PRR16: variants seen among roughly 807,000 people sequenced by gnomAD.
The protein encoded by PRR16 is proline rich 16.
A neutral mutation model predicts 18.2 loss-of-function variants in PRR16; 6 were observed. That is an observed-to-expected ratio of 0.33 (90% CI 0.18 to 0.65). The LOEUF is 0.65. Among genes scored for constraint, PRR16 ranks in the 30% least tolerant of loss-of-function variants. The pLI is 0.74. For synonymous variants in PRR16, 151 were observed against 147.8 expected (o/e 1.02, Z -0.16); for missense variants, 412 against 376.6 (o/e 1.09, Z -0.78).
At chr5:120,682,260 A>G (rs1756996512) in intron 1 of PRR16, among the ~76,000 whole-genome samples, 3 of 152,198 alleles carry the variant, frequency 2.0e-5, no homozygotes, top group South Asian at 4.1e-4. Flanking sequence ...TCATCCTTAC[A>G]GAATGCTTCA....
chr5:120,749,991 T>G, the PRR16 span, among the ~76,000 whole-genome samples: 7 of 152,306 alleles, frequency 4.6e-5, no homozygotes, highest in Middle Eastern at 3.4e-3. Context: ...TAATGAAGAT[T>G]AGAATATGTT....
intron 1 of PRR16, among the ~76,000 whole-genome samples, chr5:120,622,504 G>A (rs1048232699): frequency 1.5e-4 from 23 of 151,310 alleles, no homozygotes; most frequent in Admixed American, 1.3e-4. Context: ...TTTTGAGATG[G>A]AGTCTTGCTA....
the PRR16 span, among the ~76,000 whole-genome samples, chr5:120,782,764 C>T: frequency 3.3e-5 from 5 of 152,154 alleles, no homozygotes; most frequent in South Asian, 1.0e-3. Context: ...TTTCTTTGGG[C>T]CCTGCAAATT....
chr5:120,701,735 T>C, the PRR16 span, among the ~76,000 whole-genome samples: 9 of 151,864 alleles, frequency 5.9e-5, no homozygotes, highest in Non-Finnish European at 1.2e-4. Context: ...ACTGAGGGGA[T>C]AGACAGGAGG....
chr5:120,575,578 C>G (rs1753050834), intron 1 of PRR16, among the ~76,000 whole-genome samples: 1 of 152,002 alleles, frequency 6.6e-6, no homozygotes, highest in Non-Finnish European at 1.5e-5. Flanking sequence ...TCAATAGATG[C>G]AGATGAAGCA....
At chr5:120,732,052 C>G in the PRR16 span, among the ~76,000 whole-genome samples, 2 of 152,074 alleles carry the variant, frequency 1.3e-5, no homozygotes. Flanking sequence ...TGCAAGTGCT[C>G]AGAGTACTAT....
chr5:120,536,181 C>T (rs1751710346), intron 1 of PRR16, among the ~76,000 whole-genome samples: 1 of 152,146 alleles, frequency 6.6e-6, no homozygotes, highest in African/African-American at 2.4e-5. Context: ...TGTGTGTAAC[C>T]TCTCTGTGAT....
the PRR16 span, among the ~76,000 whole-genome samples, chr5:120,708,010 G>A: frequency 2.0e-5 from 3 of 152,220 alleles, no homozygotes; most frequent in Admixed American, 6.5e-5. Context: ...AAAAACAAAA[G>A]TATAATTTTC....
the PRR16 span, among the ~76,000 whole-genome samples, chr5:120,765,671 A>G: frequency 2.0e-5 from 3 of 152,020 alleles, no homozygotes; most frequent in Admixed American, 2.0e-4. Context: ...TCAGTTTACA[A>G]CTCAATGAAT....
At chr5:120,480,510 A>G (rs1749576706) in intron 1 of PRR16, among the ~76,000 whole-genome samples, 1 of 152,208 alleles carries the variant, frequency 6.6e-6, no homozygotes, top group African/African-American at 2.4e-5. Flanking sequence ...GCTCCCACAG[A>G]AAAAGTGAAG....
At chr5:120,695,364 G>T in the PRR16 span, among the ~76,000 whole-genome samples, 1 of 151,946 alleles carries the variant, frequency 6.6e-6, no homozygotes, top group Non-Finnish European at 1.5e-5. Context: ...TAATTTTTCT[G>T]ATTACCTAAA....
chr5:120,552,766 G>A (rs985154092), intron 1 of PRR16, among the ~76,000 whole-genome samples: 1 of 151,790 alleles, frequency 6.6e-6, no homozygotes, highest in Admixed American at 6.6e-5. Context: ...AAATTTTGCC[G>A]ATGAAATCTT....
chr5:120,477,362 C>G (rs1216912553), intron 1 of PRR16, among the ~76,000 whole-genome samples: 1 of 152,122 alleles, frequency 6.6e-6, no homozygotes, highest in African/African-American at 2.4e-5. Flanking sequence ...TCTTCCCCTC[C>G]CTTGTCAGTT....
At chr5:120,777,754 T>C in the PRR16 span, among the ~76,000 whole-genome samples, 3 of 152,240 alleles carry the variant, frequency 2.0e-5, no homozygotes, top group East Asian at 1.9e-4. Context: ...ATCCAATATA[T>C]ACAGAAGCGC....
chr5:120,690,116 C>T (rs1757191955), downstream of PRR16, among the ~76,000 whole-genome samples: 1 of 152,016 alleles, frequency 6.6e-6, no homozygotes, highest in South Asian at 2.1e-4. Flanking sequence ...TAACTGCATC[C>T]TAATTATTAA....
the PRR16 span, among the ~76,000 whole-genome samples, chr5:120,701,934 T>C: frequency 6.6e-6 from 1 of 152,130 alleles, no homozygotes; most frequent in Non-Finnish European, 1.5e-5. Flanking sequence ...CTGTCGAATT[T>C]GTACTGGGGT....
intron 1 of PRR16, among the ~76,000 whole-genome samples, chr5:120,484,915 C>T (rs1749743681): frequency 6.6e-6 from 1 of 151,066 alleles, no homozygotes; most frequent in Admixed American, 6.6e-5. Context: ...AATTTAATTT[C>T]TTATATCATT....
At chr5:120,670,469 A>G (rs980268643) in intron 1 of PRR16, among the ~76,000 whole-genome samples, 5 of 152,122 alleles carry the variant, frequency 3.3e-5, no homozygotes, top group Admixed American at 6.6e-5. Flanking sequence ...ACTTATTTTT[A>G]TAAAATATCT....
At chr5:120,497,862 T>C (rs1187352682) in intron 1 of PRR16, among the ~76,000 whole-genome samples, 3 of 151,564 alleles carry the variant, frequency 2.0e-5, no homozygotes, top group African/African-American at 4.8e-5. Flanking sequence ...ATTAATATAG[T>C]CACTCTTGCT....
Sources: allele counts gnomAD v4.1 joint callset (sites outside exome capture counted in the v4.1 genomes callset), GRCh38; gene constraint gnomAD v4.1.1; transcripts MANE v1.5; gene names NCBI Gene and HGNC (gene_info 2026-07-23, HGNC 2026-07-21).